Variants in NEO1 observed in about 807,000 individuals in gnomAD.
The protein encoded by NEO1 is neogenin 1, also known as neogenin.
A neutral mutation model predicts 159.7 loss-of-function variants in NEO1; 63 were observed. The ratio of observed to expected loss-of-function variants is 0.39; its 90% CI spans 0.32 to 0.49. NEO1 has a LOEUF of 0.49. NEO1 is among the 20% of genes least tolerant of loss of function. The pLI is 0.85. For synonymous variants in NEO1, 633 were observed against 662.0 expected, an observed-to-expected ratio of 0.96 and a Z score of 0.67; for missense variants, 1,615 against 1,831.0, an observed-to-expected ratio of 0.88 and a Z score of 2.15.
chr15:73,260,923 A>G (rs1216617749), intron 15 of NEO1, among the ~76,000 whole-genome samples: 1 of 152,132 alleles, frequency 6.6e-6, no homozygotes, highest in African/African-American at 2.4e-5. Flanking sequence ...TTCCCATTAC[A>G]CTTTCACTCC....
At chr15:73,168,886 G>T (rs560757370) in intron 5 of NEO1, among the ~76,000 whole-genome samples, 112 of 146,104 alleles carry the variant, frequency 7.7e-4, no homozygotes, top group African/African-American at 2.5e-3. Context: ...TATTTGTTGG[G>T]TTTTTTTTTT....
At chr15:73,220,865 G>C (rs1339256160) in intron 7 of NEO1, among the ~76,000 whole-genome samples, 1 of 152,068 alleles carries the variant, frequency 6.6e-6, no homozygotes, top group Non-Finnish European at 1.5e-5. Flanking sequence ...TTTGCCTTTG[G>C]TTTGAATTTC....
At position 73,069,996 on chromosome 15, in the gene NEO1, A is replaced by G. The variant is rs558707741; in HGVS notation, c.130+17191A>G. 4.6e-5 allele frequency among the ~76,000 whole-genome samples: 7 copies of G among 152,316 alleles called. No homozygotes were observed. In the South Asian group the frequency reaches 1.4e-3, roughly 32 times the overall value. ...GGGAAAAAGCAGGCAACTGTGGCCA[A>G]AAAGTAGATTGGAAAGGAAAATGGC... On this transcript the variant is annotated intron_variant, in intron 1 of 28. Transcript: ENST00000261908.
intron 5 of NEO1, among the ~76,000 whole-genome samples, chr15:73,143,055 G>A (rs980556626): frequency 1.1e-4 from 16 of 152,212 alleles, no homozygotes; most frequent in Admixed American, 5.2e-4. Context: ...AGGAAATGGA[G>A]GTGCCAGAAG....
intron 13 of NEO1, among the ~76,000 whole-genome samples, chr15:73,257,388 T>G (rs912627518): frequency 6.6e-6 from 1 of 152,088 alleles, no homozygotes; most frequent in African/African-American, 2.4e-5. Flanking sequence ...TTAAGAAAAT[T>G]CTTACATTTT....
chr15:73,273,757 G>A (rs2041283818), intron 19 of NEO1, 54 bp from the exon 20 acceptor site: 1 of 1,414,418 alleles, frequency 7.1e-7, no homozygotes, highest in Non-Finnish European at 9.8e-7. Flanking sequence ...ATTTACTGAA[G>A]GCAAAAGGAA....
intron 23 of NEO1, among the ~76,000 whole-genome samples, chr15:73,286,474 T>TA (rs764426628): frequency 6.6e-5 from 10 of 152,206 alleles, no homozygotes; most frequent in Non-Finnish European, 1.5e-4. Flanking sequence ...GGCCTGGACT[T>TA]ACTCTCTTCT....
intron 22 of NEO1, among the ~76,000 whole-genome samples, chr15:73,278,476 G>A (rs985299873): frequency 5.3e-5 from 8 of 152,092 alleles, no homozygotes; most frequent in African/African-American, 1.2e-4. Context: ...TTAGAGTTTC[G>A]CTTTCAAAAA....
chr15:73,079,317 C>A (rs957602677), intron 1 of NEO1, among the ~76,000 whole-genome samples: 1 of 152,094 alleles, frequency 6.6e-6, no homozygotes, highest in East Asian at 1.9e-4. Context: ...AAATCTTTTT[C>A]CCTTGAAAAG....
At chr15:73,066,813 C>T (rs150242566) in intron 1 of NEO1, among the ~76,000 whole-genome samples, 47 of 152,322 alleles carry the variant, frequency 3.1e-4, no homozygotes, top group African/African-American at 1.0e-3. Context: ...ATGCTCATCT[C>T]AGCCTCTTCA....
chr15:73,126,400 ATTTT>A lies in NEO1; in HGVS notation c.725-6_725-3del. ...TGTCCTTTAATTATTGTCTTTGTTA[ATTTT>A]TTTTTTTTTTAGATCCTGAGGTGAT... On this transcript the variant is annotated splice_polypyrimidine_tract_variant and intron_variant, in intron 3 of 28. Coordinates refer to ENST00000261908, the MANE Select transcript of NEO1 (RefSeq NM_002499.4). 3.0e-6 allele frequency: 4 copies of A among 1,311,640 alleles called. No homozygotes were observed. Among genetic ancestry groups the A allele is most frequent in the Admixed American group, 2.2e-5 (1 of 45,372 alleles). The allele number at this position is 1,311,640 out of a possible 1,614,324, so 81.3% of individuals were successfully genotyped here. A position where few individuals can be genotyped will look rare whatever the true frequency, so the allele number is the denominator to read the frequency against.
intron 2 of NEO1, 60 bp downstream of exon 2, chr15:73,116,917 A>C: frequency 7.6e-7 from 1 of 1,314,344 alleles, no homozygotes; most frequent in Non-Finnish European, 1.0e-6. Flanking sequence ...ACATCTTGAT[A>C]AAAGCACTGT....
At chr15:73,163,162 A>AT (rs551106501) in intron 5 of NEO1, among the ~76,000 whole-genome samples, 11 of 151,252 alleles carry the variant, frequency 7.3e-5, no homozygotes, top group Non-Finnish European at 1.0e-4. Flanking sequence ...ACATTTTCTG[A>AT]TTTTTTTTTG....
rs111365337 is a variant in NEO1, at chr15:73,119,017, G to A, written c.448+2160G>A. Reference sequence around the variant, plus strand: ...ACACTGTGTGTGTGTGTGTGTGCGCGCAATTAAAAGGTACTAGTTTGTCAG... The same window carrying A: ...ACACTGTGTGTGTGTGTGTGTGCGCACAATTAAAAGGTACTAGTTTGTCAG... On this transcript the variant is annotated intron_variant, in intron 2 of 28. Transcript: ENST00000261908. 5.3e-4 allele frequency among the ~76,000 whole-genome samples: 80 copies of A among 152,106 alleles called. 3 individuals are homozygous for A. Among genetic ancestry groups the A allele is most frequent in the African/African-American group, 1.8e-3 (76 of 41,496 alleles).
chr15:73,278,261 T>C, intron 22 of NEO1, 62 bp downstream of exon 22: 1 of 1,469,238 alleles, frequency 6.8e-7, no homozygotes, highest in Non-Finnish European at 9.5e-7. Flanking sequence ...TGCTTAAATT[T>C]TTGAAATGTC....
intron 25 of NEO1, among the ~76,000 whole-genome samples, chr15:73,290,710 GT>G (rs2042134186): frequency 2.0e-5 from 3 of 152,226 alleles, no homozygotes; most frequent in Non-Finnish European, 2.9e-5. Flanking sequence ...TCTCGTCACT[GT>G]TTTCAAGGAA....
At chr15:73,188,938 A>T (rs920032517) in intron 7 of NEO1, among the ~76,000 whole-genome samples, 3 of 146,040 alleles carry the variant, frequency 2.1e-5, no homozygotes, top group Admixed American at 2.1e-4. Context: ...ACAAAAAGTT[A>T]AAAAAAAAAA....
At position 73,052,543 on chromosome 15, in the gene NEO1, CGGGCTGGGCT is replaced by C. The variant is rs1040486027; in HGVS notation, c.-130_-121del. ...AGGGGCTGCGCGGGCCGGGCCGGGC[CGGGCTGGGCT>C]GGAGCAGCGGCGGCCGCGGGAGCCG... is the stretch of plus-strand genomic sequence containing the variant. On this transcript the variant is annotated 5_prime_UTR_variant, in exon 1 of 29. Coordinates refer to ENST00000261908, the MANE Select transcript of NEO1 (RefSeq NM_002499.4). The C allele has an allele frequency of 1.1e-3, 421 of 384,126 alleles. 3 individuals are homozygous for C. Among genetic ancestry groups the C allele is most frequent in the Admixed American group, 1.9e-3 (34 of 18,178 alleles). The allele number at this position is 384,126 out of a possible 1,614,324, so 23.8% of individuals were successfully genotyped here.
chr15:73,089,284 G>T (rs1174398962), intron 1 of NEO1, among the ~76,000 whole-genome samples: 1 of 152,088 alleles, frequency 6.6e-6, no homozygotes, highest in African/African-American at 2.4e-5. Flanking sequence ...AGAATAGGAG[G>T]ATAGATTAGA....
Sources: allele counts gnomAD v4.1 joint callset (sites outside exome capture counted in the v4.1 genomes callset), GRCh38; gene constraint gnomAD v4.1.1; transcripts MANE v1.5; gene names NCBI Gene and HGNC (gene_info 2026-07-23, HGNC 2026-07-21).